The following GNB1 variants were observed in gnomAD, a reference collection of about 807,000 sequenced individuals.
GNB1 encodes the protein G protein subunit beta 1, also known as guanine nucleotide-binding protein G(I)/G(S)/G(T) subunit beta-1.
In GNB1, 2 loss-of-function variants were observed where a neutral mutation model predicts 42.9. That is an observed-to-expected ratio of 0.05 (90% confidence interval 0.02 to 0.15). The LOEUF (loss-of-function observed/expected upper bound fraction) is 0.15, where lower values mean the gene tolerates loss of function less well. GNB1 is among the 10% of genes least tolerant of loss of function. The probability of loss-of-function intolerance (pLI) is 1.00; values close to 1 mark genes in which losing one functional copy is unlikely to be tolerated. For synonymous variants in GNB1, 183 were observed against 174.7 expected (o/e 1.05, Z -0.38); for missense variants, 193 against 462.2 (o/e 0.42, Z 5.34).
intron 2 of GNB1, among the ~76,000 whole-genome samples, chr1:1,827,470 C>T (rs1228643730): frequency 2.0e-5 from 3 of 152,252 alleles, no homozygotes; most frequent in Admixed American, 1.3e-4. Flanking sequence ...TCCCTGCACA[C>T]ATGGAGCATC....
chr1:1,817,858 A>G lies in GNB1; in HGVS notation c.75T>C (p.Cys25=), dbSNP rs1646877901. 6.2e-7 allele frequency: 1 copy of G among 1,612,612 alleles called. No homozygotes were observed. The highest frequency in any genetic ancestry group is 1.3e-5 in the African/African-American group (1 of 75,016). ...KNQIRDARKA[C]ADATLSQITN... is the part of the protein sequence containing the mutation. The stretch of plus-strand genomic sequence containing the variant: ...TTACCTGAGAGAGAGTTGCATCTGC[A>G]CATGCTTTCCTGGCGTCCTGGGAAG... Residue 25 remains cysteine, a synonymous_variant, in exon 4 of 12, where the codon TGT becomes TGC. Transcript: ENST00000378609.
intron 2 of GNB1, among the ~76,000 whole-genome samples, chr1:1,835,622 G>A (rs1028369851): frequency 6.6e-6 from 1 of 152,176 alleles, no homozygotes; most frequent in South Asian, 2.1e-4. Context: ...GGCAACCAGT[G>A]TAACAGTGGA....
intron 6 of GNB1, among the ~76,000 whole-genome samples, chr1:1,805,513 G>A (rs763640419): frequency 6.6e-6 from 1 of 152,076 alleles, no homozygotes; most frequent in South Asian, 2.1e-4. Flanking sequence ...GCATTATCCT[G>A]TCAAATGGCT....
chr1:1,819,665 A>G (rs920250226), intron 3 of GNB1, among the ~76,000 whole-genome samples: 2 of 151,458 alleles, frequency 1.3e-5, no homozygotes, highest in Non-Finnish European at 2.9e-5. Flanking sequence ...CAGCCTCCTG[A>G]ATAGCTGGGA....
intron 5 of GNB1, among the ~76,000 whole-genome samples, chr1:1,812,693 T>C (rs1224187581): frequency 5.3e-5 from 8 of 152,194 alleles, no homozygotes; most frequent in Admixed American, 2.0e-4. Flanking sequence ...GTGGCCATGA[T>C]TCTGCACTTG....
chr1:1,825,332 A>G (rs1646982118), intron 3 of GNB1, 65 bp downstream of exon 3: 2 of 1,163,816 alleles, frequency 1.7e-6, no homozygotes, highest in Admixed American at 1.7e-5. Context: ...CATTTTTCCT[A>G]AAACAAGTAA....
chr1:1,787,326 T>C lies in GNB1; in HGVS notation c.*5A>G. On this transcript the variant is annotated 3_prime_UTR_variant, in exon 11 of 12. Coordinates refer to ENST00000378609, the MANE Select transcript of GNB1 (RefSeq NM_002074.5). The surrounding 1 kb of genome is among the most constrained non-coding windows in gnomAD (Gnocchi z 4.4). ...GCATTTGGGCTGCTGCATTACCTAC[T>C]GGCGTTAGTTCCAGATCTTGAGGAA... is the stretch of plus-strand genomic sequence containing the variant. 1.9e-6 allele frequency: 3 copies of C among 1,542,016 alleles called. No individual in the cohort carries two copies. Among genetic ancestry groups the C allele is most frequent in the Non-Finnish European group, 2.7e-6 (3 of 1,114,832 alleles).
chr1:1,847,889 T>C (rs1436797325), intron 1 of GNB1, among the ~76,000 whole-genome samples: 1 of 152,140 alleles, frequency 6.6e-6, no homozygotes, highest in Non-Finnish European at 1.5e-5. Flanking sequence ...TTGACAGATG[T>C]CAGTACTTCC....
intron 1 of GNB1, among the ~76,000 whole-genome samples, chr1:1,885,742 T>C (rs1650116815): frequency 6.6e-6 from 1 of 150,458 alleles, no homozygotes; most frequent in African/African-American, 2.4e-5. Context: ...GTATTTTTAG[T>C]AGCAATGGGG....
Position 1,787,042 on chromosome 1 carries a change from G to T in GNB1, c.*21C>A. On this transcript the variant is annotated 3_prime_UTR_variant, in exon 12 of 12. Coordinates refer to ENST00000378609, the MANE Select transcript of GNB1 (RefSeq NM_002074.5). The surrounding 1 kb of genome is among the most constrained non-coding windows in gnomAD (Gnocchi z 4.4). ...GTTGGAATGGTCTTCCAGTCTCCAT[G>T]GCATCCACATGCTGTTTTAAACAGA... The T allele has an allele frequency of 3.8e-6, 1 of 263,152 alleles. No individual in the cohort carries two copies. The highest frequency in any genetic ancestry group is 7.3e-6 in the Non-Finnish European group (1 of 136,158). The allele number at this position is 263,152 out of a possible 1,614,324, so 16.3% of individuals were successfully genotyped here. A position where few individuals can be genotyped will look rare whatever the true frequency, so the allele number is the denominator to read the frequency against.
chr1:1,850,725 TG>T (rs1647935282), intron 1 of GNB1, among the ~76,000 whole-genome samples: 1 of 152,158 alleles, frequency 6.6e-6, no homozygotes, highest in African/African-American at 2.4e-5. Flanking sequence ...TTCCAATATC[TG>T]GGTCATCTCT....
At chr1:1,788,634 A>G (rs1032829990) in intron 10 of GNB1, 1 of 178,840 alleles carries the variant, frequency 5.6e-6, no homozygotes, top group African/African-American at 2.3e-5. Flanking sequence ...TGCCCAAATG[A>G]CCATTTTTAG....
At chr1:1,840,641 T>C (rs1378264573) in intron 1 of GNB1, among the ~76,000 whole-genome samples, 2 of 152,262 alleles carry the variant, frequency 1.3e-5, no homozygotes, top group African/African-American at 4.8e-5. Context: ...GAGCATTTCA[T>C]CTGAATCTCA....
chr1:1,811,095 T>TTC (rs200153515), intron 5 of GNB1, among the ~76,000 whole-genome samples: 7 of 145,378 alleles, frequency 4.8e-5, no homozygotes, highest in African/African-American at 1.7e-4. Context: ...TTTTTTTTTT[T>TTC]CTTTTTTTGA....
At chr1:1,798,335 AT>A (rs1227444998) in intron 7 of GNB1, among the ~76,000 whole-genome samples, 2 of 152,184 alleles carry the variant, frequency 1.3e-5, no homozygotes, top group Non-Finnish European at 1.5e-5. Flanking sequence ...GACAACATAT[AT>A]CCCCTTCTGT....
At chr1:1,841,730 T>C (rs1275428380) in intron 1 of GNB1, among the ~76,000 whole-genome samples, 1 of 152,208 alleles carries the variant, frequency 6.6e-6, no homozygotes, top group Admixed American at 6.5e-5. Context: ...ATGCTGCTTA[T>C]GTACAAGCAA....
intron 1 of GNB1, among the ~76,000 whole-genome samples, chr1:1,860,636 C>T (rs1176328665): frequency 4.1e-5 from 6 of 145,066 alleles, no homozygotes; most frequent in Admixed American, 2.0e-4. Context: ...GACTCCATCT[C>T]CAACAAAAAA....
At chr1:1,802,558 CAGG>C (rs1198502055) in intron 7 of GNB1, among the ~76,000 whole-genome samples, 1 of 152,052 alleles carries the variant, frequency 6.6e-6, no homozygotes, top group East Asian at 1.9e-4. Flanking sequence ...CACTTGCAGT[CAGG>C]AGTTCAAGAC....
intron 3 of GNB1, among the ~76,000 whole-genome samples, chr1:1,822,507 G>A (rs1485076511): frequency 6.6e-6 from 1 of 151,948 alleles, no homozygotes; most frequent in Non-Finnish European, 1.5e-5. Flanking sequence ...AGTAGAGACG[G>A]GGTTTCACCG....
Sources: allele counts gnomAD v4.1 joint callset (sites outside exome capture counted in the v4.1 genomes callset), GRCh38; gene constraint gnomAD v4.1.1; non-coding constraint Gnocchi (gnomAD v3.1); transcripts MANE v1.5; gene names NCBI Gene and HGNC (gene_info 2026-07-23, HGNC 2026-07-21).